The following COL4A6 variants were observed in gnomAD, a reference collection of about 807,000 sequenced individuals.
The protein encoded by COL4A6 is collagen alpha-6(IV) chain.
Under a neutral mutation model 126.7 loss-of-function variants are expected in COL4A6, and 59 were observed. That is an observed-to-expected ratio of 0.47 (90% CI 0.38 to 0.58). The LOEUF is 0.58. Among genes scored for constraint, COL4A6 ranks in the 20% least tolerant of loss-of-function variants. The probability of loss-of-function intolerance (pLI) is 0.00; values close to 1 mark genes in which losing one functional copy is unlikely to be tolerated. For synonymous variants in COL4A6, 547 were observed against 496.6 expected (o/e 1.10, Z -1.35); for missense variants, 1,285 against 1,337.3 (o/e 0.96, Z 0.61).
rs1015387943 is a variant in COL4A6 at position 108,317,903 on chromosome X, T to C, written c.64-7075A>G. 6.0e-4 allele frequency among the ~76,000 whole-genome samples: 66 copies of C among 110,661 alleles called. 1 individual carries two copies. In the East Asian group the frequency reaches 0.016, roughly 27 times the overall value. On this transcript the variant is annotated intron_variant, in intron 2 of 44. Coordinates refer to ENST00000334504, the MANE Select transcript of COL4A6 (RefSeq NM_033641.4). ...TTCTTTTGGCTTAGGATTGACTTGG[T>C]GATGCGGGCTCTTTTTTGGTTCCAT...
At chrX:108,377,941 C>CA (rs745969449) in intron 2 of COL4A6, among the ~76,000 whole-genome samples, 1,921 of 7,221 alleles carry the variant, frequency 0.27, 569 homozygotes, top group Non-Finnish European at 0.44. Context: ...GACTCCGTCT[C>CA]AAAAAAAAAA....
At chrX:108,362,560 CT>C (rs2040112181) in intron 2 of COL4A6, among the ~76,000 whole-genome samples, 1 of 111,970 alleles carries the variant, frequency 8.9e-6, no homozygotes, top group South Asian at 3.8e-4. Context: ...CAAAAATGTC[CT>C]TTTAAAAAGC....
At chrX:108,315,734 T>G (rs938716379) in intron 2 of COL4A6, among the ~76,000 whole-genome samples, 3 of 111,704 alleles carry the variant, frequency 2.7e-5, no homozygotes, top group African/African-American at 9.8e-5. Flanking sequence ...GAAGACACCC[T>G]TATACACTGC....
At chrX:108,161,834 AG>A in intron 41 of COL4A6, 99 bp from the exon 42 acceptor site, 1 of 531,159 alleles carries the variant, frequency 1.9e-6, no homozygotes, top group Non-Finnish European at 3.2e-6. Flanking sequence ...AAGACTCACT[AG>A]GAGACGATGC....
At chrX:108,311,600 C>T (rs1381359797) in intron 2 of COL4A6, among the ~76,000 whole-genome samples, 1 of 111,435 alleles carries the variant, frequency 9.0e-6, no homozygotes, top group East Asian at 2.8e-4. Flanking sequence ...GGCCTCTGCC[C>T]TCGCTGTTAC....
At position 108,163,239 on chromosome X, in the gene COL4A6, C is replaced by T. The variant is rs746903438; in HGVS notation, c.4070-201G>A. On this transcript the variant is annotated intron_variant, in intron 40 of 44. Transcript: ENST00000334504. The stretch of plus-strand genomic sequence containing the variant: ...TCTCTCCCCAGTGGTTGGGTAGCTC[C>T]AAGAGGGCAGGAACTGGGTCATATT... 1.2e-4 allele frequency: 45 copies of T among 382,496 alleles called. No individual in the cohort carries two copies. The South Asian group carries it at 2.4e-3, about 20-fold the overall frequency. The allele number at this position is 382,496 out of a possible 1,213,427, so 31.5% of individuals were successfully genotyped here.
In COL4A6 at chrX:108,300,773, T is replaced by C. The variant is rs191074442; in HGVS notation, c.144+9975A>G. 8.0e-5 allele frequency among the ~76,000 whole-genome samples: 8 copies of C among 100,117 alleles called. No homozygotes were observed. In the East Asian group the frequency reaches 2.9e-3, roughly 37 times the overall value. The allele number at this position is 100,117 out of a possible 115,157, so 86.9% of individuals were successfully genotyped here. A position where few individuals can be genotyped will look rare whatever the true frequency, so the allele number is the denominator to read the frequency against. ...TGTGTGTAGCCGCCCTAAGTAGAAG[T>C]CTGGTACTTATGAAATGTTTCCATT... On this transcript the variant is annotated intron_variant, in intron 3 of 44. Coordinates refer to ENST00000334504, the MANE Select transcript of COL4A6 (RefSeq NM_033641.4).
In COL4A6 at chrX:108,165,019, T is replaced by C. The variant is rs1321328252; in HGVS notation, c.3828A>G (p.Gly1276=). The change falls in exon 39 of 45, where the codon GGA becomes GGG. Residue 1276 remains glycine (G), a synonymous_variant. Transcript: ENST00000334504. ...DGERGRPGPA[G]PPGPPGPSSN... Reference sequence around the variant, plus strand: ...AGGATGGCCCAGGGGGACCTGGGGGTCCAGCGGGGCCTGGGCGGCCTAGGG... The same window carrying C: ...AGGATGGCCCAGGGGGACCTGGGGGCCCAGCGGGGCCTGGGCGGCCTAGGG... The C allele has an allele frequency of 4.1e-6, 5 of 1,206,487 alleles. No homozygotes were observed. The East Asian group carries it at 8.9e-5, about 21-fold the overall frequency.
At chrX:108,267,545 G>A (rs1402453477) in intron 3 of COL4A6, 1 of 112,678 alleles carries the variant, frequency 8.9e-6, no homozygotes, top group Non-Finnish European at 1.9e-5. Flanking sequence ...TACAGTAGAA[G>A]CTTTCTTGAA....
At chrX:108,398,754 C>G (rs1275155938) in intron 2 of COL4A6, among the ~76,000 whole-genome samples, 1 of 110,563 alleles carries the variant, frequency 9.0e-6, no homozygotes, top group Non-Finnish European at 1.9e-5. Context: ...GATTAAGAAC[C>G]CAGAAAAAAG....
At chrX:108,183,856 A>G (rs985738607) in intron 23 of COL4A6, 36 of 540,772 alleles carry the variant, frequency 6.7e-5, no homozygotes, top group Middle Eastern at 1.4e-3. Context: ...CAGCCCAGAT[A>G]TGCCCACCAA....
intron 3 of COL4A6, among the ~76,000 whole-genome samples, chrX:108,287,974 A>G (rs1425611636): frequency 9.0e-6 from 1 of 111,672 alleles, no homozygotes; most frequent in African/African-American, 3.3e-5. Flanking sequence ...CTGGTATCCA[A>G]TGTCTGAAAA....
chrX:108,364,792 C>T lies in COL4A6; in HGVS notation c.64-53964G>A, dbSNP rs540298938. 1.6e-4 allele frequency among the ~76,000 whole-genome samples: 18 copies of T among 111,755 alleles called. No homozygotes were observed. The South Asian group carries it at 6.9e-3, about 43-fold the overall frequency. Reference sequence around the variant, plus strand: ...TTGAATAGTATTCCATTGTATACCACTTTTTTCTGGTTGAATAGTATTCCA... The same window carrying T: ...TTGAATAGTATTCCATTGTATACCATTTTTTTCTGGTTGAATAGTATTCCA... On this transcript the variant is annotated intron_variant, in intron 2 of 44. Transcript: ENST00000334504.
chrX:108,195,815 C>A, intron 14 of COL4A6, among the ~76,000 whole-genome samples: 1 of 110,892 alleles, frequency 9.0e-6, no homozygotes, highest in Non-Finnish European at 1.9e-5. Context: ...AGACAAGGAG[C>A]GGGGGAAAGT....
intron 2 of COL4A6, among the ~76,000 whole-genome samples, chrX:108,318,907 C>G (rs1286442392): frequency 1.8e-5 from 2 of 112,599 alleles, no homozygotes; most frequent in African/African-American, 3.2e-5. Flanking sequence ...AGCAACTCCA[C>G]TATCTCAGAT....
At chrX:108,369,312 G>A (rs765024248) in intron 2 of COL4A6, among the ~76,000 whole-genome samples, 12 of 111,831 alleles carry the variant, frequency 1.1e-4, no homozygotes, top group African/African-American at 3.9e-4. Flanking sequence ...TGTATATATT[G>A]AATGAATGAA....
intron 29 of COL4A6, 69 bp from the exon 30 acceptor site, chrX:108,175,284 C>CGAA: frequency 9.2e-7 from 1 of 1,085,613 alleles, no homozygotes; most frequent in African/African-American, 1.9e-5. Flanking sequence ...TGACCTTTCA[C>CGAA]ATCATTTCTT....
chrX:108,156,834 C>A lies in COL4A6; in HGVS notation c.*166G>T. The A allele has an allele frequency of 1.9e-6, 1 of 523,056 alleles. No homozygotes were observed. The highest frequency in any genetic ancestry group is 2.9e-5 in the South Asian group (1 of 34,160). The allele number at this position is 523,056 out of a possible 1,213,427, so 43.1% of individuals were successfully genotyped here. A position where few individuals can be genotyped will look rare whatever the true frequency, so the allele number is the denominator to read the frequency against. On this transcript the variant is annotated 3_prime_UTR_variant, in exon 45 of 45. Transcript: ENST00000334504. ...CAGGGTGGGCTCATCTCTATGGACC[C>A]GAGGGCTGGGGTGACGAGTGTCCGG... is the stretch of plus-strand genomic sequence containing the variant.
chrX:108,201,070 G>T (rs1396420835), intron 13 of COL4A6, among the ~76,000 whole-genome samples: 1 of 111,609 alleles, frequency 9.0e-6, no homozygotes, highest in Non-Finnish European at 1.9e-5. Context: ...CAAGTGCATT[G>T]AACAGATGAT....
Sources: allele counts gnomAD v4.1 joint callset (sites outside exome capture counted in the v4.1 genomes callset), GRCh38; gene constraint gnomAD v4.1.1; transcripts MANE v1.5; gene names NCBI Gene and HGNC (gene_info 2026-07-23, HGNC 2026-07-21).